The following BMPR1B variants were observed in gnomAD, a reference collection of about 807,000 sequenced individuals.
The protein encoded by BMPR1B is bone morphogenetic protein receptor type 1B.
A neutral mutation model predicts 59.1 loss-of-function variants in BMPR1B; 12 were observed. The observed-to-expected ratio is 0.20, with a 90% CI of 0.13 to 0.33. The LOEUF (loss-of-function observed/expected upper bound fraction) is 0.33. BMPR1B is among the 10% of genes least tolerant of loss of function. The pLI is 1.00. For synonymous variants in BMPR1B, 237 were observed against 207.3 expected, an observed-to-expected ratio of 1.14 and a Z score of -1.23; for missense variants, 550 against 610.9, an observed-to-expected ratio of 0.90 and a Z score of 1.05.
intron 3 of BMPR1B, among the ~76,000 whole-genome samples, chr4:95,068,507 A>G (rs1233912000): frequency 6.6e-6 from 1 of 152,118 alleles, no homozygotes; most frequent in African/African-American, 2.4e-5. Flanking sequence ...GCCTCCTGTC[A>G]TGGACCCTCT....
At chr4:95,041,782 G>A (rs1725670729) in intron 3 of BMPR1B, among the ~76,000 whole-genome samples, 1 of 152,148 alleles carries the variant, frequency 6.6e-6, no homozygotes, top group Non-Finnish European at 1.5e-5. Context: ...CTCCCGCACA[G>A]GGTGGCAGTG....
intron 2 of BMPR1B, among the ~76,000 whole-genome samples, chr4:94,969,033 T>C (rs1219890013): frequency 2.0e-5 from 3 of 151,138 alleles, no homozygotes; most frequent in Non-Finnish European, 2.9e-5. Context: ...CTGAGTTTAC[T>C]TTTTTTGTTG....
chr4:94,874,178 A>G (rs1726622252), intron 1 of BMPR1B, among the ~76,000 whole-genome samples: 1 of 152,126 alleles, frequency 6.6e-6, no homozygotes, highest in African/African-American at 2.4e-5. Context: ...TATACATACC[A>G]CATTTTGTTT....
At chr4:95,141,789 C>G (rs1477803671) in intron 10 of BMPR1B, among the ~76,000 whole-genome samples, 1 of 152,060 alleles carries the variant, frequency 6.6e-6, no homozygotes, top group South Asian at 2.1e-4. Context: ...GCTTAGGGCT[C>G]TCTGGTATTA....
intron 2 of BMPR1B, among the ~76,000 whole-genome samples, chr4:94,962,329 G>T (rs368018707): frequency 5.3e-4 from 81 of 152,094 alleles, no homozygotes; most frequent in Middle Eastern, 3.4e-3. Context: ...GTAGAGACAG[G>T]GTTTTGCCAT....
intron 8 of BMPR1B, among the ~76,000 whole-genome samples, chr4:95,126,556 C>G (rs1435188070): frequency 6.6e-6 from 1 of 152,126 alleles, no homozygotes; most frequent in Non-Finnish European, 1.5e-5. Flanking sequence ...TCAGGGGATA[C>G]AGGCCCAGAT....
intron 2 of BMPR1B, among the ~76,000 whole-genome samples, chr4:94,971,084 T>C (rs1211843188): frequency 6.6e-6 from 1 of 152,330 alleles, no homozygotes; most frequent in Non-Finnish European, 1.5e-5. Context: ...ATATCAATAA[T>C]GATTTTTACA....
chr4:94,969,540 T>G (rs997021540), intron 2 of BMPR1B, among the ~76,000 whole-genome samples: 7 of 152,250 alleles, frequency 4.6e-5, no homozygotes, highest in African/African-American at 1.7e-4. Flanking sequence ...CTTCTCTTTT[T>G]TAGCCTGACA....
intron 3 of BMPR1B, among the ~76,000 whole-genome samples, chr4:95,075,898 C>CT (rs953377336): frequency 1.3e-5 from 2 of 151,456 alleles, no homozygotes; most frequent in South Asian, 2.1e-4. Context: ...GATGTCCATT[C>CT]TTTTTTTTTC....
At chr4:94,927,738 G>A (rs568211504) in intron 2 of BMPR1B, among the ~76,000 whole-genome samples, 3 of 152,228 alleles carry the variant, frequency 2.0e-5, no homozygotes, top group South Asian at 4.1e-4. Context: ...ACCATTGAAA[G>A]CTGAAAAGCA....
chr4:94,906,262 A>C (rs1387010137), intron 2 of BMPR1B, among the ~76,000 whole-genome samples: 1 of 152,086 alleles, frequency 6.6e-6, no homozygotes, highest in Admixed American at 6.6e-5. Context: ...CTGTATGGGT[A>C]CATGCCTTGA....
At chr4:94,871,054 T>G (rs866852967) in intron 1 of BMPR1B, among the ~76,000 whole-genome samples, 2 of 152,228 alleles carry the variant, frequency 1.3e-5, no homozygotes, top group South Asian at 2.1e-4. Flanking sequence ...TTATGTTATT[T>G]AATTCATGTA....
At chr4:94,823,545 T>G (rs540770801) in intron 1 of BMPR1B, among the ~76,000 whole-genome samples, 9 of 152,084 alleles carry the variant, frequency 5.9e-5, no homozygotes, top group Admixed American at 5.9e-4. Flanking sequence ...GAATTAATGG[T>G]CACAGTTTAT....
chr4:95,072,734 C>T (rs911344228), intron 3 of BMPR1B, among the ~76,000 whole-genome samples: 2 of 152,058 alleles, frequency 1.3e-5, no homozygotes, highest in Non-Finnish European at 2.9e-5. Flanking sequence ...TTGTTTATAT[C>T]ACCATACATA....
intron 10 of BMPR1B, among the ~76,000 whole-genome samples, chr4:95,135,985 T>G (rs1052385138): frequency 6.6e-6 from 1 of 152,188 alleles, no homozygotes; most frequent in African/African-American, 2.4e-5. Flanking sequence ...TTCAGTATGA[T>G]ATTGGCCATG....
chr4:94,826,526 T>C (rs1264574472), intron 1 of BMPR1B, among the ~76,000 whole-genome samples: 1 of 152,206 alleles, frequency 6.6e-6, no homozygotes, highest in African/African-American at 2.4e-5. Context: ...TAGATTTTCT[T>C]ATAAAAAATG....
chr4:94,975,757 G>T (rs1220602332), intron 2 of BMPR1B, among the ~76,000 whole-genome samples: 1 of 152,070 alleles, frequency 6.6e-6, no homozygotes, highest in Non-Finnish European at 1.5e-5. Context: ...TTCTCCCAAA[G>T]ATTTATAGAC....
chr4:94,914,161 G>A (rs1358986520), intron 2 of BMPR1B, among the ~76,000 whole-genome samples: 1 of 152,030 alleles, frequency 6.6e-6, no homozygotes, highest in Non-Finnish European at 1.5e-5. Context: ...GAAGGATAGA[G>A]TAGAAAATGG....
At chr4:95,114,598 G>C (rs1293152193) in intron 4 of BMPR1B, 122 bp from the exon 5 acceptor site, 1 of 876,206 alleles carries the variant, frequency 1.1e-6, no homozygotes, top group African/African-American at 1.6e-5. Flanking sequence ...CATTCTCCTT[G>C]TTGCAATAAA....
Sources: allele counts gnomAD v4.1 joint callset (sites outside exome capture counted in the v4.1 genomes callset), GRCh38; gene constraint gnomAD v4.1.1; transcripts MANE v1.5; gene names NCBI Gene and HGNC (gene_info 2026-07-23, HGNC 2026-07-21).